ARHGEF37: variants seen among roughly 807,000 people sequenced by gnomAD.
ARHGEF37 encodes Rho guanine nucleotide exchange factor 37.
Under a neutral mutation model 71.1 loss-of-function variants are expected in ARHGEF37, and 55 were observed. The ratio of observed to expected loss-of-function variants is 0.77; its 90% confidence interval spans 0.62 to 0.97. The LOEUF is 0.97. Among genes scored for constraint, ARHGEF37 ranks in the 50% least tolerant of loss-of-function variants. The pLI is 0.00. For missense variants in ARHGEF37, 765 were observed against 836.8 expected, an observed-to-expected ratio of 0.91 and a Z score of 1.06; for synonymous variants, 327 against 350.6, an observed-to-expected ratio of 0.93 and a Z score of 0.75.
chr5:149,562,206 GAAAAAAAGAACTTTGGGC>G (rs1432379653), intron 1 of ARHGEF37, among the ~76,000 whole-genome samples: 2 of 152,164 alleles, frequency 1.3e-5, no homozygotes, highest in Admixed American at 6.5e-5. Context: ...GCTGAGTAGG[GAAAAAAAGAACTTTGGGC>G]AAAAAAAGAA....
At chr5:149,619,851 C>G (rs1752484965) in intron 7 of ARHGEF37, among the ~76,000 whole-genome samples, 1 of 152,150 alleles carries the variant, frequency 6.6e-6, no homozygotes. Context: ...GGGAAGATCA[C>G]TTGAGGTCAG....
chr5:149,624,061 A>G lies in ARHGEF37; in HGVS notation c.1385A>G (p.Asp462Gly). 1 of 1,610,258 alleles carries G rather than the reference A, an allele frequency of 6.2e-7. No individual in the cohort carries two copies. Among genetic ancestry groups the G allele is most frequent in the Non-Finnish European group, 8.5e-7 (1 of 1,176,794 alleles). The change falls in exon 10 of 13, where the codon GAC becomes GGC. Residue 462 changes from aspartate (D) to glycine (G), a missense_variant. By Grantham distance (94) the Asp-to-Gly change is moderately conservative. Around this residue, in one of 5 missense-constraint regions of ARHGEF37, gnomAD observed 390 missense variants for 407.4 expected, o/e 0.96. Transcript: ENST00000333677. Reference protein sequence around the residue: ...PEPAFRKLVEDALGRTSNQLR... With the variant: ...PEPAFRKLVEGALGRTSNQLR... Reference sequence around the variant, plus strand: ...CCTGCCTTCAGGAAGCTGGTGGAGGACGCACTGGGCCGGACGAGTAACCAG... The same window carrying G: ...CCTGCCTTCAGGAAGCTGGTGGAGGGCGCACTGGGCCGGACGAGTAACCAG...
At chr5:149,623,616 G>A (rs1328757027) in intron 9 of ARHGEF37, among the ~76,000 whole-genome samples, 3 of 152,176 alleles carry the variant, frequency 2.0e-5, no homozygotes, top group Non-Finnish European at 2.9e-5. Flanking sequence ...AAGTAAGGGC[G>A]CTTCCTGATT....
intron 4 of ARHGEF37, among the ~76,000 whole-genome samples, chr5:149,612,329 G>A (rs1320096642): frequency 2.6e-5 from 4 of 152,078 alleles, no homozygotes; most frequent in African/African-American, 7.2e-5. Flanking sequence ...CACCACGCCC[G>A]GCTAATTTTT....
At chr5:149,567,772 G>A (rs552682218) in intron 1 of ARHGEF37, among the ~76,000 whole-genome samples, 7 of 152,008 alleles carry the variant, frequency 4.6e-5, no homozygotes, top group East Asian at 3.9e-4. Context: ...CTTTCTTTTC[G>A]GCATAAATTG....
At chr5:149,604,129 G>T (rs1413550701) in intron 3 of ARHGEF37, among the ~76,000 whole-genome samples, 1 of 152,162 alleles carries the variant, frequency 6.6e-6, no homozygotes, top group African/African-American at 2.4e-5. Flanking sequence ...GAGGTTTGGT[G>T]AGGTTCCTTG....
intron 4 of ARHGEF37, among the ~76,000 whole-genome samples, chr5:149,616,274 C>T (rs554932387): frequency 1.1e-3 from 167 of 152,242 alleles, no homozygotes; most frequent in Non-Finnish European, 1.7e-3. Context: ...GAAAGTGTTT[C>T]AAGAGCAAGG....
chr5:149,612,138 T>C (rs948188377), intron 4 of ARHGEF37, among the ~76,000 whole-genome samples: 2 of 152,108 alleles, frequency 1.3e-5, no homozygotes, highest in African/African-American at 2.4e-5. Flanking sequence ...GTGTTTACCC[T>C]AGAATAGCAA....
At chr5:149,580,801 A>T (rs1353340471), upstream of ARHGEF37, among the ~76,000 whole-genome samples, 1 of 152,242 alleles carries the variant, frequency 6.6e-6, no homozygotes, top group Non-Finnish European at 1.5e-5. Context: ...AGAAAAGCTA[A>T]TCTAGTCCAT....
chr5:149,599,216 C>G (rs957749016), intron 2 of ARHGEF37, among the ~76,000 whole-genome samples: 8 of 152,310 alleles, frequency 5.3e-5, no homozygotes, highest in African/African-American at 1.9e-4. Context: ...GAGCATCAAG[C>G]AGCAGGGGCT....
In ARHGEF37 at chr5:149,624,021, C is replaced by G. The variant is rs753405699; in HGVS notation, c.1345C>G (p.His449Asp). ...AEGSMAQLPH[H>D]HVPEPAFRKL... ...GTCTGTCCCCACTTAGCTGCCCCAC[C>G]ACCACGTCCCAGAGCCTGCCTTCAG... is the stretch of plus-strand genomic sequence containing the variant. The change falls in exon 10 of 13, where the codon CAC (histidine) becomes GAC (aspartate). Residue 449 changes from histidine (H) to aspartate (D), a missense_variant. Physicochemically the swap from His to Asp is moderately conservative, Grantham distance 81. Coordinates refer to ENST00000333677, the MANE Select transcript of ARHGEF37 (RefSeq NM_001001669.3). 9 of 1,598,060 alleles carry G rather than the reference C, an allele frequency of 5.6e-6. No homozygotes were observed. The highest frequency in any genetic ancestry group is 2.3e-5 in the East Asian group (1 of 44,394).
chr5:149,596,222 G>A (rs1763541220), intron 1 of ARHGEF37, among the ~76,000 whole-genome samples: 1 of 152,140 alleles, frequency 6.6e-6, no homozygotes, highest in South Asian at 2.1e-4. Context: ...CAGTTAAAAA[G>A]TTTATTATAA....
chr5:149,628,236 G>A (rs747934951), intron 11 of ARHGEF37, among the ~76,000 whole-genome samples: 2 of 152,218 alleles, frequency 1.3e-5, no homozygotes, highest in African/African-American at 4.8e-5. Context: ...CTGGTTGAAC[G>A]TAAAATGGAG....
chr5:149,631,156 CTTCCTTCCTTCCT>C (rs1752870172), intron 12 of ARHGEF37, among the ~76,000 whole-genome samples: 2 of 142,820 alleles, frequency 1.4e-5, no homozygotes, highest in African/African-American at 5.3e-5. Context: ...TCTTTCCTTC[CTTCCTTCCTTCCT>C]TTCTTTTTTT....
chr5:149,616,669 C>T lies in ARHGEF37; in HGVS notation c.561C>T (p.Val187=), dbSNP rs1752393467. 6.2e-7 allele frequency: 1 copy of T among 1,613,990 alleles called. No homozygotes were observed. The highest frequency in any genetic ancestry group is 8.5e-7 in the Non-Finnish European group (1 of 1,179,930). The change falls in exon 5 of 13, where the codon GTC becomes GTT. Residue 187 remains valine, a synonymous_variant. Coordinates refer to ENST00000333677, the MANE Select transcript of ARHGEF37 (RefSeq NM_001001669.3). ...TGCAGAAAATCCTGGAGAACACAGT[C>T]CCTGATGCCAGTGCCTATCCTGTCC... ...LLLQKILENT[V]PDASAYPVLQ...
At chr5:149,571,651 T>G (rs1762966810) in intron 1 of ARHGEF37, among the ~76,000 whole-genome samples, 1 of 152,142 alleles carries the variant, frequency 6.6e-6, no homozygotes, top group Non-Finnish European at 1.5e-5. Flanking sequence ...CCAGGCACAG[T>G]GGTGCATGCC....
At chr5:149,609,459 T>C (rs1171035656) in intron 3 of ARHGEF37, 89 bp from the exon 4 acceptor site, 53 of 1,423,078 alleles carry the variant, frequency 3.7e-5, no homozygotes, top group Non-Finnish European at 4.8e-5. Flanking sequence ...ACTGGAGAGC[T>C]GGAGGGGTTT....
chr5:149,595,362 G>A (rs1317338254), intron 1 of ARHGEF37, among the ~76,000 whole-genome samples: 1 of 151,832 alleles, frequency 6.6e-6, no homozygotes, highest in African/African-American at 2.4e-5. Context: ...AATTTTTTCT[G>A]TAGAGACGAA....
intron 1 of ARHGEF37, among the ~76,000 whole-genome samples, chr5:149,556,249 A>G (rs1369325001): frequency 2.0e-5 from 3 of 152,186 alleles, no homozygotes; most frequent in Non-Finnish European, 2.9e-5. Context: ...GCTGGAGTAC[A>G]GTGGCGCGAT....
Sources: allele counts gnomAD v4.1 joint callset (sites outside exome capture counted in the v4.1 genomes callset), GRCh38; gene constraint gnomAD v4.1.1; regional missense constraint gnomAD v4.1.1; transcripts MANE v1.5; gene names NCBI Gene and HGNC (gene_info 2026-07-23, HGNC 2026-07-21).